Variants in ARHGAP15 observed in about 807,000 individuals in gnomAD.
ARHGAP15 encodes rho GTPase-activating protein 15.
A neutral mutation model predicts 63.7 loss-of-function variants in ARHGAP15; 51 were observed. The ratio of observed to expected loss-of-function variants is 0.80; its 90% confidence interval spans 0.64 to 1.01. The LOEUF (loss-of-function observed/expected upper bound fraction) is 1.01, where lower values mean the gene tolerates loss of function less well. Among genes scored for constraint, ARHGAP15 ranks in the 50% least tolerant of loss-of-function variants. ARHGAP15 has a pLI of 0.00. For missense variants in ARHGAP15, 560 were observed against 564.6 expected, an observed-to-expected ratio of 0.99 and a Z score of 0.08; for synonymous variants, 191 against 193.8, an observed-to-expected ratio of 0.99 and a Z score of 0.12.
intron 10 of ARHGAP15, among the ~76,000 whole-genome samples, chr2:143,537,621 T>C (rs1388052825): frequency 6.6e-6 from 1 of 152,228 alleles, no homozygotes; most frequent in East Asian, 1.9e-4. Flanking sequence ...CCCAGCACCA[T>C]TTATTAAATA....
At chr2:143,459,915 G>A (rs1025791832) in intron 8 of ARHGAP15, among the ~76,000 whole-genome samples, 4 of 152,082 alleles carry the variant, frequency 2.6e-5, no homozygotes, top group Admixed American at 2.6e-4. Flanking sequence ...GTGAAGTATG[G>A]GAGAGGGATA....
chr2:143,451,032 C>G (rs1690381760), intron 8 of ARHGAP15, among the ~76,000 whole-genome samples: 1 of 151,826 alleles, frequency 6.6e-6, no homozygotes, highest in South Asian at 2.1e-4. Flanking sequence ...TTTTGTATAT[C>G]CTCTCTCTCT....
intron 6 of ARHGAP15, among the ~76,000 whole-genome samples, chr2:143,272,784 T>A (rs540720530): frequency 6.6e-6 from 1 of 152,240 alleles, no homozygotes; most frequent in Admixed American, 6.5e-5. Flanking sequence ...TCAGTACTAC[T>A]AAGGCCTGAC....
At chr2:143,551,996 G>A (rs748643993) in intron 10 of ARHGAP15, among the ~76,000 whole-genome samples, 32 of 152,178 alleles carry the variant, frequency 2.1e-4, no homozygotes, top group African/African-American at 5.1e-4. Context: ...TGGAAGGACC[G>A]AGACAGAAAC....
chr2:143,135,202 T>G (rs971947952), intron 1 of ARHGAP15, among the ~76,000 whole-genome samples: 1 of 152,186 alleles, frequency 6.6e-6, no homozygotes, highest in Non-Finnish European at 1.5e-5. Context: ...AGGGAATACA[T>G]GCTTCATAGT....
intron 6 of ARHGAP15, among the ~76,000 whole-genome samples, chr2:143,266,968 T>C (rs1681030150): frequency 1.3e-5 from 2 of 152,188 alleles, no homozygotes; most frequent in South Asian, 4.1e-4. Context: ...GTTGATGGAA[T>C]AGTCTCTTTC....
intron 8 of ARHGAP15, among the ~76,000 whole-genome samples, chr2:143,486,082 C>T (rs1008961799): frequency 6.6e-6 from 1 of 152,030 alleles, no homozygotes; most frequent in African/African-American, 2.4e-5. Context: ...CCTTTCTTTG[C>T]CAGTTATAGA....
At chr2:143,216,613 A>G (rs757156061) in intron 4 of ARHGAP15, among the ~76,000 whole-genome samples, 168 bp downstream of exon 4, 2 of 152,208 alleles carry the variant, frequency 1.3e-5, no homozygotes, top group Admixed American at 6.6e-5. Context: ...ACAGTTTTTA[A>G]AGAAAGGCAC....
intron 13 of ARHGAP15, among the ~76,000 whole-genome samples, chr2:143,707,862 C>T (rs1002183899): frequency 3.3e-5 from 5 of 152,154 alleles, no homozygotes; most frequent in African/African-American, 1.2e-4. Context: ...CAGTCTTTTG[C>T]ATATTCAAAG....
At chr2:143,312,357 A>G (rs1325813847) in intron 6 of ARHGAP15, among the ~76,000 whole-genome samples, 2 of 152,118 alleles carry the variant, frequency 1.3e-5, no homozygotes, top group Non-Finnish European at 2.9e-5. Context: ...ATAATCAAAC[A>G]TTCTTGAATA....
chr2:143,498,932 T>C (rs1045100341), intron 9 of ARHGAP15, among the ~76,000 whole-genome samples: 3 of 152,192 alleles, frequency 2.0e-5, no homozygotes, highest in African/African-American at 7.2e-5. Flanking sequence ...AGAGTTTTCT[T>C]ATAAAAGGCA....
At chr2:143,374,677 A>AT (rs931901365) in intron 6 of ARHGAP15, among the ~76,000 whole-genome samples, 2 of 151,930 alleles carry the variant, frequency 1.3e-5, no homozygotes, top group Non-Finnish European at 1.5e-5. Context: ...TAATTTTTGT[A>AT]TTTTTTGTAG....
intron 6 of ARHGAP15, among the ~76,000 whole-genome samples, chr2:143,281,072 C>G: frequency 6.6e-6 from 1 of 152,128 alleles, no homozygotes; most frequent in East Asian, 1.9e-4. Context: ...AAGACAGTTA[C>G]ACCCATTTTA....
intron 12 of ARHGAP15, among the ~76,000 whole-genome samples, chr2:143,677,978 C>A (rs1040087922): frequency 6.6e-6 from 1 of 152,120 alleles, no homozygotes; most frequent in African/African-American, 2.4e-5. Flanking sequence ...GAGGCCAAGG[C>A]GGGCAGATCA....
chr2:143,167,377 G>A (rs566533647), intron 2 of ARHGAP15, among the ~76,000 whole-genome samples: 56 of 152,158 alleles, frequency 3.7e-4, no homozygotes, highest in African/African-American at 1.3e-3. Context: ...CATTAACCAG[G>A]AGACAAAATA....
chr2:143,559,662 C>T (rs1205768709), intron 11 of ARHGAP15, among the ~76,000 whole-genome samples: 1 of 152,192 alleles, frequency 6.6e-6, no homozygotes, highest in Non-Finnish European at 1.5e-5. Context: ...CCATACCTTC[C>T]CCTCCATCTG....
intron 6 of ARHGAP15, among the ~76,000 whole-genome samples, chr2:143,267,732 G>T (rs1005968406): frequency 2.0e-5 from 3 of 152,116 alleles, no homozygotes; most frequent in African/African-American, 7.2e-5. Flanking sequence ...GATATAAAGT[G>T]CATACATATC....
chr2:143,672,008 CAA>C (rs1682552705), intron 12 of ARHGAP15, among the ~76,000 whole-genome samples: 1 of 152,058 alleles, frequency 6.6e-6, no homozygotes, highest in African/African-American at 2.4e-5. Flanking sequence ...ATAAAACAGA[CAA>C]ATAGTGTGTA....
At chr2:143,489,978 G>GTTTGCT (rs1185840557) in intron 9 of ARHGAP15, among the ~76,000 whole-genome samples, 2 of 152,004 alleles carry the variant, frequency 1.3e-5, no homozygotes, top group African/African-American at 4.8e-5. Context: ...CGACATGTCA[G>GTTTGCT]TTTTCTTTTT....
Sources: allele counts gnomAD v4.1 joint callset (sites outside exome capture counted in the v4.1 genomes callset), GRCh38; gene constraint gnomAD v4.1.1; transcripts MANE v1.5; gene names NCBI Gene and HGNC (gene_info 2026-07-23, HGNC 2026-07-21).